RREB1: variants seen among roughly 807,000 people sequenced by gnomAD.
The protein encoded by RREB1 is ras responsive element binding protein 1.
In RREB1, 27 loss-of-function variants were observed where a neutral mutation model predicts 117.8. That is an observed-to-expected ratio of 0.23 (90% confidence interval 0.17 to 0.32). The LOEUF (loss-of-function observed/expected upper bound fraction) is 0.32. RREB1 is among the 10% of genes least tolerant of loss of function. The pLI, the probability that RREB1 is intolerant of heterozygous loss-of-function variation, is 1.00. For synonymous variants in RREB1, 1,298 were observed against 1,026.7 expected, an observed-to-expected ratio of 1.26 and a Z score of -5.05; for missense variants, 2,577 against 2,378.2, an observed-to-expected ratio of 1.08 and a Z score of -1.74.
At chr6:7,109,925 T>G (rs1404149230) in intron 1 of RREB1, among the ~76,000 whole-genome samples, 10 of 150,980 alleles carry the variant, frequency 6.6e-5, no homozygotes, top group Admixed American at 6.6e-4. Context: ...TGTCCGGGGG[T>G]TTTCATTAGT....
chr6:7,222,929 C>A (rs924657401), intron 8 of RREB1, among the ~76,000 whole-genome samples: 1 of 152,108 alleles, frequency 6.6e-6, no homozygotes, highest in Admixed American at 6.5e-5. Context: ...ATATTCATAA[C>A]CAATAGGCTG....
chr6:7,196,665 A>G (rs1765694386), intron 6 of RREB1, among the ~76,000 whole-genome samples: 1 of 152,058 alleles, frequency 6.6e-6, no homozygotes, highest in South Asian at 2.1e-4. Flanking sequence ...GCTAATTCCA[A>G]CTTATTTTGA....
chr6:7,203,781 C>G (rs1412123075), intron 6 of RREB1, among the ~76,000 whole-genome samples: 2 of 152,178 alleles, frequency 1.3e-5, no homozygotes, highest in Admixed American at 1.3e-4. Context: ...ACGTATTGCC[C>G]TAGTATTGCA....
intron 1 of RREB1, among the ~76,000 whole-genome samples, chr6:7,156,811 G>A (rs898528453): frequency 6.6e-6 from 1 of 152,144 alleles, no homozygotes; most frequent in African/African-American, 2.4e-5. Context: ...GCCATCCAGC[G>A]TAGGAAACAG....
intron 1 of RREB1, among the ~76,000 whole-genome samples, chr6:7,118,790 T>A (rs1343730286): frequency 6.9e-6 from 1 of 144,124 alleles, no homozygotes; most frequent in African/African-American, 2.6e-5. Flanking sequence ...AATCCCATGG[T>A]GTTTTTTTTA....
intron 1 of RREB1, among the ~76,000 whole-genome samples, chr6:7,167,848 C>CTA (rs560990113): frequency 2.0e-5 from 3 of 152,108 alleles, no homozygotes; most frequent in South Asian, 4.1e-4. Flanking sequence ...TCCTTTGAAC[C>CTA]TATATTGTAA....
chr6:7,207,056 G>A (rs1561780791), intron 6 of RREB1, among the ~76,000 whole-genome samples: 1 of 152,188 alleles, frequency 6.6e-6, no homozygotes, highest in Non-Finnish European at 1.5e-5. Context: ...CTGGCTGCTG[G>A]ATAGAAAATG....
chr6:7,115,175 G>A (rs2113290294), intron 1 of RREB1, among the ~76,000 whole-genome samples: 1 of 152,292 alleles, frequency 6.6e-6, no homozygotes, highest in Non-Finnish European at 1.5e-5. Context: ...TTGAGAGGGT[G>A]GATGGCTGCC....
chr6:7,186,265 A>G (rs767820506), intron 4 of RREB1, among the ~76,000 whole-genome samples: 17 of 152,142 alleles, frequency 1.1e-4, no homozygotes, highest in Non-Finnish European at 1.3e-4. Flanking sequence ...CCTCTCCATG[A>G]ACTTTCAATT....
intron 1 of RREB1, among the ~76,000 whole-genome samples, chr6:7,129,034 C>A (rs1762052651): frequency 6.6e-6 from 1 of 152,156 alleles, no homozygotes; most frequent in South Asian, 2.1e-4. Flanking sequence ...TCTGAAATAT[C>A]CTTAATTGAG....
At chr6:7,170,742 TG>T (rs1460667261) in intron 1 of RREB1, among the ~76,000 whole-genome samples, 1 of 152,172 alleles carries the variant, frequency 6.6e-6, no homozygotes, top group South Asian at 2.1e-4. Flanking sequence ...GAGTTAGAAA[TG>T]GGGATCTTTG....
At chr6:7,155,470 C>T (rs1016314279) in intron 1 of RREB1, among the ~76,000 whole-genome samples, 25 of 152,216 alleles carry the variant, frequency 1.6e-4, no homozygotes, top group Admixed American at 7.8e-4. Context: ...GCCACCACAC[C>T]CAGCTAATTT....
chr6:7,238,036 G>T (rs1032637323), intron 10 of RREB1, among the ~76,000 whole-genome samples: 1 of 152,160 alleles, frequency 6.6e-6, no homozygotes, highest in African/African-American at 2.4e-5. Context: ...GCGAGAAGCC[G>T]ATTGTTTTCT....
chr6:7,234,861 A>G (rs1002199936), intron 10 of RREB1, among the ~76,000 whole-genome samples: 1 of 152,200 alleles, frequency 6.6e-6, no homozygotes, highest in African/African-American at 2.4e-5. Context: ...GTTCTGTGCA[A>G]CTGCCCACTG....
Position 7,188,396 on chromosome 6 carries a change from G to A in RREB1, c.262-763G>A, listed in dbSNP as rs929986542. 4.3e-4 allele frequency among the ~76,000 whole-genome samples: 65 copies of A among 151,928 alleles called. 3 individuals carry two copies. Among genetic ancestry groups the A allele is most frequent in the African/African-American group, 1.5e-3 (62 of 41,388 alleles). The stretch of plus-strand genomic sequence containing the variant: ...TTCCCAAGTAGCTGGGATTACAGGC[G>A]CCCACCACCACGCCCAGCCAATTTT... On this transcript the variant is annotated intron_variant, in intron 5 of 12. Transcript: ENST00000379938.
chr6:7,176,805 C>T (rs1764519114), intron 2 of RREB1, 32 bp downstream of exon 2: 1 of 152,570 alleles, frequency 6.6e-6, no homozygotes, highest in South Asian at 2.1e-4. Context: ...CGCAGTGAGT[C>T]ACAATAATGT....
At chr6:7,169,748 C>A (rs1764122333) in intron 1 of RREB1, among the ~76,000 whole-genome samples, 1 of 152,196 alleles carries the variant, frequency 6.6e-6, no homozygotes, top group Non-Finnish European at 1.5e-5. Context: ...GACTGTGCCC[C>A]ATTTCCTTCC....
Position 7,141,753 on chromosome 6 carries a change from C to T in RREB1, c.-285+33693C>T, listed in dbSNP as rs557668466. The stretch of plus-strand genomic sequence containing the variant: ...TTTTGACGAGGAGGAGGGGTGCAGA[C>T]ACTTGCCTGCGGCAAAGTGAACCTG... On this transcript the variant is annotated intron_variant, in intron 1 of 12. Transcript: ENST00000379938. Among the ~76,000 whole-genome samples the T allele has an allele frequency of 8.6e-4, 131 of 152,342 alleles. 1 individual carries two copies. The highest frequency in any genetic ancestry group is 1.7e-3 in the Non-Finnish European group (118 of 68,028).
At position 7,229,378 on chromosome 6, in the gene RREB1, C is replaced by A. The variant is rs1767776295; in HGVS notation, c.1279C>A (p.Leu427Ile). Residue 427 changes from leucine to isoleucine, a missense_variant, in exon 10 of 13, where the codon CTC becomes ATC. Leu to Ile is a conservative substitution (Grantham distance 5, BLOSUM62 2). Coordinates refer to ENST00000379938, the MANE Select transcript of RREB1 (RefSeq NM_001003699.4). This position sits in a 1 kb window ranked among gnomAD's most constrained non-coding sequence, Gnocchi z 4.5. ...TTCCCTAGGCGGTTCTCTCACAGTTCTCCCCGCGACCAAGGACAGCATAAA... is the reference window on the plus strand; with the variant it reads ...TTCCCTAGGCGGTTCTCTCACAGTTATCCCCGCGACCAAGGACAGCATAAA... ...AASLGGSLTV[L>I]PATKDSIKHL... is the part of the protein sequence containing the mutation. 1.2e-6 allele frequency: 2 copies of A among 1,614,040 alleles called. No homozygotes were observed. The highest frequency in any genetic ancestry group is 1.7e-6 in the Non-Finnish European group (2 of 1,179,992).
Sources: gnomAD v4.1 joint callset for allele counts (sites outside exome capture counted in the v4.1 genomes callset) on GRCh38, gnomAD v4.1.1 for gene constraint, Gnocchi (gnomAD v3.1) non-coding constraint, MANE v1.5 for transcripts, NCBI Gene and HGNC (gene_info 2026-07-23, HGNC 2026-07-21) for gene names.